RAB27B: variants seen among roughly 807,000 people sequenced by gnomAD.
RAB27B encodes the protein RAB27B, member RAS oncogene family.
In RAB27B, 15 loss-of-function variants were observed where a neutral mutation model predicts 24.6. The ratio of observed to expected loss-of-function variants is 0.61; its 90% CI spans 0.41 to 0.94. RAB27B has a LOEUF of 0.94. Among genes scored for constraint, RAB27B ranks in the 40% least tolerant of loss-of-function variants. The probability of loss-of-function intolerance (pLI) is 0.00; values close to 1 mark genes in which losing one functional copy is unlikely to be tolerated. For missense variants in RAB27B, 261 were observed against 266.8 expected, an observed-to-expected ratio of 0.98 and a Z score of 0.15; for synonymous variants, 105 against 92.5, an observed-to-expected ratio of 1.14 and a Z score of -0.78.
intron 2 of RAB27B, among the ~76,000 whole-genome samples, chr18:54,801,309 C>G (rs1877936263): frequency 6.6e-6 from 1 of 151,990 alleles, no homozygotes; most frequent in Non-Finnish European, 1.5e-5. Context: ...GCCACTGCAC[C>G]TGGCCTATTC....
At chr18:54,807,008 C>T (rs1370116961) in intron 2 of RAB27B, among the ~76,000 whole-genome samples, 1 of 152,098 alleles carries the variant, frequency 6.6e-6, no homozygotes, top group Non-Finnish European at 1.5e-5. Context: ...TCAAGAGGTT[C>T]TCTTGCCTCA....
chr18:54,884,359 T>C lies in RAB27B; in HGVS notation c.266T>C (p.Phe89Ser), dbSNP rs754703077. Residue 89 changes from phenylalanine (F) to serine (S), a missense_variant, in exon 4 of 6, where the codon TTC (phenylalanine) becomes TCC (serine). Transcript: ENST00000262094. ...TTCCGGAGTCTCACCACTGCATTTT[T>C]CAGAGACGCCATGGGCTTCTTATTA... ...ERFRSLTTAF[F>S]RDAMGFLLMF... The C allele has an allele frequency of 6.2e-7, 1 of 1,612,738 alleles. No individual in the cohort carries two copies. The highest frequency in any genetic ancestry group is 1.1e-5 in the South Asian group (1 of 91,014).
chr18:54,849,191 C>T (rs2145214477), intron 1 of RAB27B, among the ~76,000 whole-genome samples: 1 of 152,276 alleles, frequency 6.6e-6, no homozygotes, highest in African/African-American at 2.4e-5. Flanking sequence ...TACACTCGGG[C>T]TAGAGAGATC....
chr18:54,750,416 CCTTCCTT>C (rs1317162474), intron 2 of RAB27B, among the ~76,000 whole-genome samples: 8 of 152,088 alleles, frequency 5.3e-5, no homozygotes, highest in Non-Finnish European at 1.5e-5. Context: ...ATTGGACCTT[CCTTCCTT>C]CTTCCTTCTT....
intron 2 of RAB27B, among the ~76,000 whole-genome samples, chr18:54,740,471 A>T (rs1193404370): frequency 6.6e-6 from 1 of 152,214 alleles, no homozygotes; most frequent in African/African-American, 2.4e-5. Flanking sequence ...AACGTAACTC[A>T]TCTGGATATT....
At chr18:54,744,012 A>G (rs1045401942) in intron 2 of RAB27B, among the ~76,000 whole-genome samples, 4 of 152,188 alleles carry the variant, frequency 2.6e-5, no homozygotes, top group African/African-American at 9.6e-5. Flanking sequence ...ATATCCAGCA[A>G]TCATCCCTCG....
chr18:54,722,804 A>G (rs1909402487), intron 2 of RAB27B, among the ~76,000 whole-genome samples: 2 of 152,140 alleles, frequency 1.3e-5, no homozygotes, highest in African/African-American at 4.8e-5. Context: ...GATTTTAAGT[A>G]TTTTCCTTCT....
rs1381540344 is a variant in RAB27B, at chr18:54,892,587, T to A, written c.*3174T>A. 2.0e-5 allele frequency: 3 copies of A among 152,008 alleles called. No homozygotes were observed. 9.4% of individuals were successfully genotyped at this position (152,008 alleles called of 1,614,324 possible). A position where few individuals can be genotyped will look rare whatever the true frequency, so the allele number is the denominator to read the frequency against. ...ATCTAAAATAATCCAGAGAACATAA[T>A]GTTTGTCTTGGTCTGATAATGATAA... On this transcript the variant is annotated 3_prime_UTR_variant, in exon 6 of 6. Transcript: ENST00000262094.
intron 2 of RAB27B, among the ~76,000 whole-genome samples, chr18:54,811,324 G>A (rs553434821): frequency 6.6e-6 from 1 of 152,220 alleles, no homozygotes; most frequent in Non-Finnish European, 1.5e-5. Context: ...CTGGGGTAAA[G>A]CTTGCTTTTA....
At chr18:54,794,286 A>G (rs1438925571) in intron 2 of RAB27B, among the ~76,000 whole-genome samples, 5 of 152,076 alleles carry the variant, frequency 3.3e-5, no homozygotes, top group Admixed American at 3.3e-4. Flanking sequence ...TCTTCTTAGA[A>G]CTCTCTATAC....
At chr18:54,719,116 A>G (rs1315173713) in intron 2 of RAB27B, among the ~76,000 whole-genome samples, 3 of 152,316 alleles carry the variant, frequency 2.0e-5, no homozygotes. Flanking sequence ...AAAATATTTA[A>G]CTAAGACACA....
chr18:54,773,615 A>G (rs1307472325), intron 2 of RAB27B, among the ~76,000 whole-genome samples: 1 of 152,172 alleles, frequency 6.6e-6, no homozygotes, highest in Non-Finnish European at 1.5e-5. Context: ...ATTCTTTGCC[A>G]TGAGGATTCA....
At chr18:54,773,053 C>CTTCT (rs1555654802) in intron 2 of RAB27B, among the ~76,000 whole-genome samples, 23 of 147,784 alleles carry the variant, frequency 1.6e-4, no homozygotes, top group South Asian at 2.1e-4. Flanking sequence ...GCCTATACTT[C>CTTCT]TTTTTTTTTT....
At chr18:54,768,049 CTGTCT>C (rs1339653498) in intron 2 of RAB27B, among the ~76,000 whole-genome samples, 3 of 152,050 alleles carry the variant, frequency 2.0e-5, no homozygotes, top group African/African-American at 7.2e-5. Flanking sequence ...AATTACAGTA[CTGTCT>C]AGTAGGGGCC....
At chr18:54,799,295 T>G (rs1251454714) in intron 2 of RAB27B, among the ~76,000 whole-genome samples, 1 of 152,170 alleles carries the variant, frequency 6.6e-6, no homozygotes, top group Non-Finnish European at 1.5e-5. Flanking sequence ...CCTAACTTAA[T>G]GGCACTTTGC....
At chr18:54,832,626 G>C (rs1336459771) in intron 1 of RAB27B, among the ~76,000 whole-genome samples, 1 of 152,186 alleles carries the variant, frequency 6.6e-6, no homozygotes, top group Admixed American at 6.5e-5. Context: ...GCTTGAGGAC[G>C]CAGCTCTGGC....
chr18:54,864,461 T>C (rs997658007), intron 1 of RAB27B, among the ~76,000 whole-genome samples: 1 of 152,086 alleles, frequency 6.6e-6, no homozygotes, highest in Non-Finnish European at 1.5e-5. Flanking sequence ...TATTTTCCTT[T>C]TTTTCATGGT....
upstream of RAB27B, among the ~76,000 whole-genome samples, chr18:54,826,845 C>G: frequency 6.6e-6 from 1 of 152,160 alleles, no homozygotes. Flanking sequence ...TAATAGACGC[C>G]TTGCCTATTT....
At chr18:54,719,193 C>T (rs1192071312) in intron 2 of RAB27B, among the ~76,000 whole-genome samples, 1 of 151,998 alleles carries the variant, frequency 6.6e-6, no homozygotes. Context: ...TTTTAAAATA[C>T]TTCTAATGGT....
Sources: allele counts gnomAD v4.1 joint callset (sites outside exome capture counted in the v4.1 genomes callset), GRCh38; gene constraint gnomAD v4.1.1; transcripts MANE v1.5; gene names NCBI Gene and HGNC (gene_info 2026-07-23, HGNC 2026-07-21).